RABGEF1: variants seen among roughly 807,000 people sequenced by gnomAD.
The protein encoded by RABGEF1 is rab5 GDP/GTP exchange factor.
In RABGEF1, 26 loss-of-function variants were observed where a neutral mutation model predicts 57.3. The observed-to-expected ratio is 0.45, with a 90% CI of 0.33 to 0.63. RABGEF1 has a LOEUF of 0.63. Among genes scored for constraint, RABGEF1 ranks in the 20% least tolerant of loss-of-function variants. The pLI is 0.02. For missense variants in RABGEF1, 464 were observed against 607.6 expected (o/e 0.76, Z 2.48); for synonymous variants, 185 against 210.7 (o/e 0.88, Z 1.06).
At chr7:66,798,486 G>C (rs1181195087) in intron 6 of RABGEF1, among the ~76,000 whole-genome samples, 4 of 152,202 alleles carry the variant, frequency 2.6e-5, no homozygotes, top group Non-Finnish European at 4.4e-5. Context: ...CCCAAGGTCA[G>C]GAGCCAGAAG....
At chr7:66,748,544 T>C (rs1361027858) in intron 1 of RABGEF1, among the ~76,000 whole-genome samples, 1 of 152,126 alleles carries the variant, frequency 6.6e-6, no homozygotes, top group Non-Finnish European at 1.5e-5. Context: ...AGGGCACATA[T>C]TTGTTTGTTT....
Position 66,781,026 on chromosome 7 carries a change from G to A in RABGEF1, c.347-2649G>A, listed in dbSNP as rs1183215039. Among the ~76,000 whole-genome samples the A allele has an allele frequency of 3.3e-5, 5 of 152,090 alleles. No individual in the cohort carries two copies. The South Asian group carries it at 6.2e-4, about 19-fold the overall frequency. On this transcript the variant is annotated intron_variant, in intron 3 of 8. Coordinates refer to ENST00000284957, the MANE Select transcript of RABGEF1 (RefSeq NM_014504.3). ...CATTTTATCAGACTGTTTATAGCAC[G>A]TATATTTAATGTGATTTTTGATAAG...
At chr7:66,685,555 G>A (rs1334879561) in intron 1 of RABGEF1, among the ~76,000 whole-genome samples, 1 of 152,196 alleles carries the variant, frequency 6.6e-6, no homozygotes, top group Non-Finnish European at 1.5e-5. Flanking sequence ...CTTTCTGTAA[G>A]GATGTCTGAC....
At chr7:66,747,140 A>G (rs1800445373) in intron 1 of RABGEF1, among the ~76,000 whole-genome samples, 1 of 152,152 alleles carries the variant, frequency 6.6e-6, no homozygotes, top group South Asian at 2.1e-4. Flanking sequence ...CTCTCTTGGC[A>G]ATGGTCATTA....
At chr7:66,773,609 T>C in intron 2 of RABGEF1, 1 of 450,704 alleles carries the variant, frequency 2.2e-6, no homozygotes, top group Non-Finnish European at 4.4e-6. Context: ...GCTGCGCTGC[T>C]GTCTGGGGAA....
chr7:66,795,415 A>G (rs1584205388), intron 4 of RABGEF1, 96 bp from the exon 5 acceptor site: 1 of 956,458 alleles, frequency 1.0e-6, no homozygotes, highest in East Asian at 2.4e-5. Context: ...GCTTACTACC[A>G]GTACAAGGAA....
intron 2 of RABGEF1, among the ~76,000 whole-genome samples, chr7:66,721,610 C>CA (rs1437515891): frequency 1.6e-4 from 24 of 152,264 alleles, no homozygotes; most frequent in African/African-American, 5.3e-4. Flanking sequence ...CCTGCCTCCC[C>CA]CCTTATGAGA....
At chr7:66,791,291 G>A (rs1166651493) in intron 4 of RABGEF1, among the ~76,000 whole-genome samples, 2 of 152,116 alleles carry the variant, frequency 1.3e-5, no homozygotes, top group Admixed American at 6.6e-5. Flanking sequence ...TCATCTAAAT[G>A]TGGAAATGTT....
intron 2 of RABGEF1, among the ~76,000 whole-genome samples, chr7:66,729,019 C>T (rs1457070092): frequency 4.7e-5 from 7 of 150,512 alleles, no homozygotes; most frequent in East Asian, 2.0e-4. Context: ...GGCGCGATCT[C>T]GACTCACTGC....
intron 4 of RABGEF1, among the ~76,000 whole-genome samples, chr7:66,785,790 C>T (rs1444860140): frequency 2.0e-5 from 3 of 151,960 alleles, no homozygotes; most frequent in African/African-American, 4.8e-5. Flanking sequence ...AGGAGAATGG[C>T]GTGAACCTGG....
In RABGEF1 at chr7:66,778,078, C is replaced by G. The variant is rs147172353; in HGVS notation, c.346+2685C>G. ...TTAGCCAGGTAAATTTTGCATTTCA[C>G]ACTGATTACTTTTGTTTGGCCATTG... On this transcript the variant is annotated intron_variant, in intron 3 of 8. Transcript: ENST00000284957. Among the ~76,000 whole-genome samples the G allele has an allele frequency of 4.3e-4, 65 of 152,252 alleles. 1 individual carries two copies. Among genetic ancestry groups the G allele is most frequent in the Non-Finnish European group, 8.7e-4 (59 of 68,020 alleles).
At position 66,746,096 on chromosome 7, in the gene RABGEF1, T is replaced by C. The variant is rs118011757; in HGVS notation, c.-18+5304T>C. ...AGTGAGTTTAAATGATCTGGACTAT[T>C]GTTACAATATGTAAACATGTGAAAT... On this transcript the variant is annotated intron_variant, in intron 1 of 8. Transcript: ENST00000284957. 5.2e-3 allele frequency among the ~76,000 whole-genome samples: 794 copies of C among 152,366 alleles called. 2 individuals carry two copies. Among genetic ancestry groups the C allele is most frequent in the Non-Finnish European group, 9.7e-3 (660 of 68,040 alleles).
chr7:66,709,394 T>C (rs1361714187), intron 1 of RABGEF1, among the ~76,000 whole-genome samples: 1 of 152,200 alleles, frequency 6.6e-6, no homozygotes. Flanking sequence ...GTAATTTTCC[T>C]ACCCATTACA....
intron 1 of RABGEF1, among the ~76,000 whole-genome samples, chr7:66,745,198 A>G (rs1762646952): frequency 1.3e-5 from 2 of 152,110 alleles, no homozygotes; most frequent in South Asian, 4.1e-4. Context: ...TCTCAAAAAA[A>G]AAAAAAATGA....
chr7:66,753,278 G>A (rs1801857344), intron 1 of RABGEF1, among the ~76,000 whole-genome samples: 1 of 152,182 alleles, frequency 6.6e-6, no homozygotes, highest in South Asian at 2.1e-4. Flanking sequence ...GGCCAGGACT[G>A]TTGCTTGCTA....
chr7:66,795,714 T>C, intron 5 of RABGEF1, 122 bp downstream of exon 5: 1 of 879,994 alleles, frequency 1.1e-6, no homozygotes, highest in Admixed American at 1.9e-5. Context: ...TGTAACCTCA[T>C]GGACATTCTG....
intron 1 of RABGEF1, 73 bp downstream of exon 1, chr7:66,740,865 G>C (rs538580789): frequency 6.6e-6 from 1 of 152,198 alleles, no homozygotes; most frequent in Non-Finnish European, 1.5e-5. Flanking sequence ...GGGGCGTCTC[G>C]GGCTGGGGGT....
intron 4 of RABGEF1, among the ~76,000 whole-genome samples, chr7:66,787,454 A>G (rs553780518): frequency 5.4e-4 from 78 of 143,476 alleles, no homozygotes; most frequent in African/African-American, 1.9e-3. Flanking sequence ...AGCAATTTTT[A>G]TGCCCCAGCC....
At chr7:66,677,713 G>T (rs1789376808), upstream of RABGEF1, among the ~76,000 whole-genome samples, 1 of 141,710 alleles carries the variant, frequency 7.1e-6, no homozygotes, top group South Asian at 2.2e-4. Context: ...AGTGAGCTGA[G>T]ATCACGCCAC....
Sources: gnomAD v4.1 joint callset for allele counts (sites outside exome capture counted in the v4.1 genomes callset) on GRCh38, gnomAD v4.1.1 for gene constraint, MANE v1.5 for transcripts, NCBI Gene and HGNC (gene_info 2026-07-23, HGNC 2026-07-21) for gene names.